Variants in MCF2L observed in about 807,000 individuals in gnomAD.
MCF2L encodes guanine nucleotide exchange factor DBS.
Under a neutral mutation model 153.4 loss-of-function variants are expected in MCF2L, and 97 were observed. The ratio of observed to expected loss-of-function variants is 0.63; its 90% CI spans 0.54 to 0.75. The LOEUF is 0.75. Among genes scored for constraint, MCF2L ranks in the 30% least tolerant of loss-of-function variants. MCF2L has a pLI of 0.00. For synonymous variants in MCF2L, 659 were observed against 632.2 expected (o/e 1.04, Z -0.64); for missense variants, 1,347 against 1,495.2 (o/e 0.90, Z 1.64).
intron 2 of MCF2L, chr13:112,902,482 C>T (rs562928836): frequency 8.7e-7 from 1 of 1,151,130 alleles, no homozygotes; most frequent in African/African-American, 1.5e-5. Flanking sequence ...GGTTTAGATC[C>T]TGGGAATGCA....
rs11838390 is a variant in MCF2L at position 113,029,658 on chromosome 13, G to A, written c.278+4900G>A. ...GGGACCCTCTTCCCAAGGTGGGGGC[G>A]GGGCTGCCCTCTGCTGGAGACGCGG... On this transcript the variant is annotated intron_variant, in intron 3 of 29. Coordinates refer to ENST00000535094, the MANE Select transcript of MCF2L (RefSeq NM_001112732.3). Among the ~76,000 whole-genome samples, 587 of 152,314 alleles carry A rather than the reference G, an allele frequency of 3.9e-3. 4 individuals carry two copies. Among genetic ancestry groups the A allele is most frequent in the African/African-American group, 0.014 (564 of 41,570 alleles).
At chr13:112,945,813 A>G (rs1027193594) in intron 2 of MCF2L, among the ~76,000 whole-genome samples, 1 of 152,258 alleles carries the variant, frequency 6.6e-6, no homozygotes, top group Admixed American at 6.5e-5. Flanking sequence ...TGGCACTGAC[A>G]TTCATCATAG....
At position 112,907,835 on chromosome 13, in the gene MCF2L, C is replaced by T. The variant is rs1432883422; in HGVS notation, c.169+5464C>T. Among the ~76,000 whole-genome samples the T allele has an allele frequency of 1.3e-5, 2 of 152,160 alleles. No homozygotes were observed. The highest frequency in any genetic ancestry group is 4.8e-5 in the African/African-American group (2 of 41,416). On this transcript the variant is annotated intron_variant, in intron 2 of 29. Coordinates refer to the MCF2L transcript ENST00000375608. This position sits in a 1 kb window ranked among gnomAD's most constrained non-coding sequence, Gnocchi z 5.1. ...AGCAGCACGCCGTGTTAAAGAACAG[C>T]GCATGTTGGGAGAATGAGCACCCAC... is the stretch of plus-strand genomic sequence containing the variant.
intron 17 of MCF2L, among the ~76,000 whole-genome samples, chr13:113,082,814 G>A (rs1288996608): frequency 2.6e-5 from 4 of 152,248 alleles, no homozygotes; most frequent in African/African-American, 4.8e-5. Context: ...GCCCGAGTGC[G>A]CCCTGTTTTG....
At chr13:112,979,186 T>G in intron 1 of MCF2L, 1 of 328,494 alleles carries the variant, frequency 3.0e-6, no homozygotes, top group Non-Finnish European at 4.4e-6. Flanking sequence ...TCCCTTCCTC[T>G]GGGTTTGTAG....
chr13:112,956,483 T>C (rs1566659851), intron 2 of MCF2L: 1 of 152,260 alleles, frequency 6.6e-6, no homozygotes, highest in Non-Finnish European at 1.5e-5. Context: ...ACCCCTGATA[T>C]ATTTATGCAT....
chr13:113,017,806 A>T (rs938644733), intron 2 of MCF2L, among the ~76,000 whole-genome samples: 3 of 152,090 alleles, frequency 2.0e-5, no homozygotes, highest in African/African-American at 7.2e-5. Context: ...ACAGGTCGAC[A>T]CCCCAGCCTG....
intron 2 of MCF2L, among the ~76,000 whole-genome samples, chr13:112,949,510 A>G (rs2081669464): frequency 6.6e-6 from 1 of 152,214 alleles, no homozygotes; most frequent in Admixed American, 6.5e-5. Context: ...TAAGCAATAG[A>G]TAAAGAGAAT....
intron 2 of MCF2L, among the ~76,000 whole-genome samples, chr13:112,926,625 T>C (rs1196824697): frequency 2.6e-5 from 4 of 152,188 alleles, no homozygotes; most frequent in Non-Finnish European, 5.9e-5. Context: ...GAGTGCTGTA[T>C]AGCCTTGGAA....
At chr13:113,026,618 G>A (rs551828748) in intron 3 of MCF2L, among the ~76,000 whole-genome samples, 15 of 152,306 alleles carry the variant, frequency 9.8e-5, no homozygotes, top group Admixed American at 7.8e-4. Flanking sequence ...TCTTAATGCC[G>A]AGGAGCCCAT....
At chr13:113,050,829 G>A (rs73576876) in intron 4 of MCF2L, among the ~76,000 whole-genome samples, 59,285 of 143,118 alleles carry the variant, frequency 0.41, 13,021 homozygotes, top group South Asian at 0.48. Flanking sequence ...ACTTCCCGGC[G>A]GAGGTGATGC....
intron 2 of MCF2L, among the ~76,000 whole-genome samples, chr13:112,953,297 C>T (rs2081715919): frequency 6.6e-6 from 1 of 152,160 alleles, no homozygotes; most frequent in Non-Finnish European, 1.5e-5. Context: ...TCCTCCAGCC[C>T]CCATGGACAA....
Position 113,097,765 on chromosome 13 carries a change from C to T in MCF2L, c.*906C>T, listed in dbSNP as rs114947220. On this transcript the variant is annotated 3_prime_UTR_variant, in exon 30 of 30. Coordinates refer to ENST00000535094, the MANE Select transcript of MCF2L (RefSeq NM_001112732.3). Reference sequence around the variant, plus strand: ...AAGATGCAGTTTCTGCAGGGTGTGGCGTGGACCAGTGCTGCCGACCATAGC... The same window carrying T: ...AAGATGCAGTTTCTGCAGGGTGTGGTGTGGACCAGTGCTGCCGACCATAGC... 60 of 152,220 alleles carry T rather than the reference C, an allele frequency of 3.9e-4. No individual in the cohort carries two copies. Among genetic ancestry groups the T allele is most frequent in the African/African-American group, 1.4e-3 (58 of 41,524 alleles). The allele number at this position is 152,220 out of a possible 1,614,324, so 9.4% of individuals were successfully genotyped here.
intron 3 of MCF2L, among the ~76,000 whole-genome samples, chr13:113,039,192 C>G (rs1339692297): frequency 6.6e-6 from 1 of 152,164 alleles, no homozygotes; most frequent in Non-Finnish European, 1.5e-5. Flanking sequence ...TTAAGTGATA[C>G]TGTAGCACAG....
At chr13:113,048,558 C>T (rs924560473) in intron 4 of MCF2L, among the ~76,000 whole-genome samples, 77 of 150,428 alleles carry the variant, frequency 5.1e-4, no homozygotes, top group Non-Finnish European at 9.3e-4. Flanking sequence ...TCTCCTGCCT[C>T]AGCCTCCCAA....
intron 2 of MCF2L, among the ~76,000 whole-genome samples, chr13:112,915,438 A>G (rs1360128199): frequency 1.3e-5 from 2 of 148,154 alleles, no homozygotes; most frequent in African/African-American, 5.0e-5. Flanking sequence ...CATCCTCACT[A>G]CACGCATCAG....
chr13:112,952,589 T>C (rs1486460353), intron 2 of MCF2L, among the ~76,000 whole-genome samples: 1 of 152,204 alleles, frequency 6.6e-6, no homozygotes, highest in Non-Finnish European at 1.5e-5. Context: ...ATCTTTTCAA[T>C]AGTTTGTGGA....
intron 1 of MCF2L, among the ~76,000 whole-genome samples, chr13:113,002,573 T>C (rs886528288): frequency 6.6e-5 from 10 of 152,242 alleles, no homozygotes; most frequent in Non-Finnish European, 1.2e-4. Flanking sequence ...GGTTTGGGTG[T>C]GTTTGGTCTG....
intron 1 of MCF2L, among the ~76,000 whole-genome samples, chr13:113,005,334 G>C (rs2083616183): frequency 6.6e-6 from 1 of 152,226 alleles, no homozygotes; most frequent in South Asian, 2.1e-4. Flanking sequence ...GGTGGCTACT[G>C]GGGGCTGGGG....
Sources: gnomAD v4.1 joint callset for allele counts (sites outside exome capture counted in the v4.1 genomes callset) on GRCh38, gnomAD v4.1.1 for gene constraint, Gnocchi (gnomAD v3.1) non-coding constraint, MANE v1.5 for transcripts, NCBI Gene and HGNC (gene_info 2026-07-23, HGNC 2026-07-21) for gene names.